The following PICALM variants were observed in gnomAD, a reference collection of about 807,000 sequenced individuals.
The protein encoded by PICALM is phosphatidylinositol binding clathrin assembly protein.
In PICALM, 40 loss-of-function variants were observed where a neutral mutation model predicts 80.5. That is an observed-to-expected ratio of 0.50 (90% CI 0.39 to 0.65). The LOEUF is 0.65. Among genes scored for constraint, PICALM ranks in the 30% least tolerant of loss-of-function variants. PICALM has a pLI of 0.00. For missense variants in PICALM, 676 were observed against 778.9 expected, an observed-to-expected ratio of 0.87 and a Z score of 1.57; for synonymous variants, 288 against 260.3, an observed-to-expected ratio of 1.11 and a Z score of -1.02.
chr11:86,052,439 C>T (rs2096205135), intron 1 of PICALM, among the ~76,000 whole-genome samples: 1 of 152,222 alleles, frequency 6.6e-6, no homozygotes, highest in Middle Eastern at 3.4e-3. Flanking sequence ...CTGAAAGTTT[C>T]CTTTCTTTTA....
intron 2 of PICALM, among the ~76,000 whole-genome samples, chr11:86,026,724 TG>T (rs1424896704): frequency 1.3e-4 from 20 of 152,166 alleles, no homozygotes; most frequent in Non-Finnish European, 1.2e-4. Context: ...ACCAAAGTTT[TG>T]GCTTTAAAAA....
intron 8 of PICALM, among the ~76,000 whole-genome samples, chr11:86,005,494 A>C (rs1175322556): frequency 2.6e-5 from 4 of 152,160 alleles, no homozygotes; most frequent in African/African-American, 9.7e-5. Context: ...GCTTGAGCCC[A>C]GTTGTTTGAG....
In PICALM at chr11:85,958,887, A is replaced by T; in HGVS notation, c.*159T>A. ...ATACGTTCTCCTATAAACTAGTCCCAATTTCCTTCATGGGCCTTCACTGAG... is the reference window on the plus strand; with the variant it reads ...ATACGTTCTCCTATAAACTAGTCCCTATTTCCTTCATGGGCCTTCACTGAG... On this transcript the variant is annotated 3_prime_UTR_variant, in exon 20 of 20. Transcript: ENST00000393346. 2 of 551,506 alleles carry T rather than the reference A, an allele frequency of 3.6e-6. No individual in the cohort carries two copies. The highest frequency in any genetic ancestry group is 6.7e-6 in the Non-Finnish European group (2 of 299,000). 34.2% of individuals were successfully genotyped at this position (551,506 alleles called of 1,614,324 possible).
intron 4 of PICALM, among the ~76,000 whole-genome samples, chr11:86,016,605 A>G (rs2095484695): frequency 6.6e-6 from 1 of 152,174 alleles, no homozygotes; most frequent in East Asian, 1.9e-4. Flanking sequence ...ATCCTGGCTG[A>G]GCAAACACCT....
chr11:86,063,797 T>C (rs549041333), intron 1 of PICALM, among the ~76,000 whole-genome samples: 1 of 152,176 alleles, frequency 6.6e-6, no homozygotes, highest in South Asian at 2.1e-4. Flanking sequence ...ATAAATCATA[T>C]GACTAATTCT....
intron 1 of PICALM, among the ~76,000 whole-genome samples, chr11:86,056,518 A>G (rs2096272345): frequency 6.6e-6 from 1 of 152,124 alleles, no homozygotes; most frequent in African/African-American, 2.4e-5. Flanking sequence ...AATCCTGAAA[A>G]TAACAAGTTT....
chr11:86,052,813 T>G (rs950459261), intron 1 of PICALM, among the ~76,000 whole-genome samples: 14 of 152,184 alleles, frequency 9.2e-5, no homozygotes, highest in African/African-American at 3.4e-4. Context: ...CCTCAGACAA[T>G]TGCTCCGACT....
At position 86,000,987 on chromosome 11, in the gene PICALM, T is replaced by G. The variant is rs1277050531; in HGVS notation, c.1017+48A>C. On this transcript the variant is annotated intron_variant, in intron 10 of 19. Transcript: ENST00000393346. ...CTGTGCAGAGGCCCCATTTACCTAA[T>G]GAACACCTGTACTCATTTTTCGAAA... 3.1e-6 allele frequency: 5 copies of G among 1,606,124 alleles called. No individual in the cohort carries two copies. In the South Asian group the frequency reaches 3.3e-5, roughly 11 times the overall value.
At chr11:86,001,259 T>C (rs2095135277) in intron 9 of PICALM, 101 bp from the exon 10 acceptor site, 6 of 1,068,770 alleles carry the variant, frequency 5.6e-6, no homozygotes, top group Non-Finnish European at 8.3e-6. Context: ...ATAGGCACTA[T>C]AATTATAAAC....
chr11:86,041,023 A>T (rs1279530264), intron 1 of PICALM, among the ~76,000 whole-genome samples: 1 of 152,164 alleles, frequency 6.6e-6, no homozygotes, highest in African/African-American at 2.4e-5. Context: ...AGGGGAAAGC[A>T]AATTTTCCCT....
chr11:86,012,898 G>A lies in PICALM; in HGVS notation c.547-506C>T, dbSNP rs553186836. ...ATAAAAAATACATATGGATAATAAC[G>A]TGAAAAGAAATACAACTTCACTTAT... On this transcript the variant is annotated intron_variant, in intron 5 of 19. Transcript: ENST00000393346. 2.6e-4 allele frequency among the ~76,000 whole-genome samples: 39 copies of A among 151,902 alleles called. No homozygotes were observed. The East Asian group carries it at 3.3e-3, about 13-fold the overall frequency.
intron 5 of PICALM, 150 bp downstream of exon 5, chr11:86,014,720 T>C: frequency 2.2e-6 from 1 of 464,544 alleles, no homozygotes; most frequent in Non-Finnish European, 3.8e-6. Flanking sequence ...AGAAAGTAAT[T>C]TGACTTGAGA....
intron 1 of PICALM, among the ~76,000 whole-genome samples, chr11:86,062,971 G>A (rs1231619408): frequency 6.6e-6 from 1 of 152,128 alleles, no homozygotes; most frequent in Non-Finnish European, 1.5e-5. Flanking sequence ...TCCTGGTAGG[G>A]CTCTAACCTC....
rs775024656 is a variant in PICALM, at chr11:85,996,943, T to G, written c.1155-14A>C. The stretch of plus-strand genomic sequence containing the variant: ...AGCTTTGATGTGCTAGAAAGATATT[T>G]TGGAAACGTGTTTTATTTACCAGAA... On this transcript the variant is annotated splice_polypyrimidine_tract_variant and intron_variant, in intron 11 of 19. Transcript: ENST00000393346. 2 of 1,583,498 alleles carry G rather than the reference T, an allele frequency of 1.3e-6. No individual in the cohort carries two copies. The highest frequency in any genetic ancestry group is 2.7e-5 in the African/African-American group (2 of 74,040).
chr11:85,981,690 T>G, intron 16 of PICALM, 55 bp downstream of exon 16: 4 of 1,338,254 alleles, frequency 3.0e-6, no homozygotes, highest in South Asian at 1.2e-5. Context: ...AAATAACACA[T>G]GGAGAAAACA....
chr11:85,982,608 T>C lies in PICALM; in HGVS notation c.1517-605A>G, dbSNP rs568213147. On this transcript the variant is annotated intron_variant, in intron 14 of 19. Coordinates refer to ENST00000393346, the MANE Select transcript of PICALM (RefSeq NM_007166.4). The stretch of plus-strand genomic sequence containing the variant: ...GCGCCCAGCTAATTTTTTGTATTTT[T>C]AGTAGAGACGGGGTTTCACCTTGTT... Among the ~76,000 whole-genome samples the C allele has an allele frequency of 3.4e-5, 5 of 145,940 alleles. No homozygotes were observed. The East Asian group carries it at 5.9e-4, about 17-fold the overall frequency.
chr11:86,047,020 C>G (rs1234374369), intron 1 of PICALM, among the ~76,000 whole-genome samples: 1 of 152,214 alleles, frequency 6.6e-6, no homozygotes, highest in Admixed American at 6.5e-5. Context: ...GCAAGGAATG[C>G]TCTATTATAA....
chr11:85,982,095 A>G, intron 14 of PICALM, 92 bp from the exon 15 acceptor site: 2 of 1,154,932 alleles, frequency 1.7e-6, no homozygotes, highest in Non-Finnish European at 2.6e-6. Flanking sequence ...CTCCTTGTTT[A>G]TTCACTGGAA....
chr11:85,986,675 C>A lies in PICALM; in HGVS notation c.1409-2702G>T, dbSNP rs377084669. Among the ~76,000 whole-genome samples, 8 of 152,200 alleles carry A rather than the reference C, an allele frequency of 5.3e-5. No individual in the cohort carries two copies. The East Asian group carries it at 1.2e-3, about 22-fold the overall frequency. ...AGAGTGCTGGGATTACAGGCGTGAGCCACCGCGCCCGGCCCTCGCCAACTT... is the reference window on the plus strand; with the variant it reads ...AGAGTGCTGGGATTACAGGCGTGAGACACCGCGCCCGGCCCTCGCCAACTT... On this transcript the variant is annotated intron_variant, in intron 13 of 19. Transcript: ENST00000393346.
Sources: allele counts gnomAD v4.1 joint callset (sites outside exome capture counted in the v4.1 genomes callset), GRCh38; gene constraint gnomAD v4.1.1; transcripts MANE v1.5; gene names NCBI Gene and HGNC (gene_info 2026-07-23, HGNC 2026-07-21).